UACA: variants seen among roughly 807,000 people sequenced by gnomAD.
UACA encodes the protein nuclear membrane binding protein.
A neutral mutation model predicts 160.5 loss-of-function variants in UACA; 112 were observed. The ratio of observed to expected loss-of-function variants is 0.70; its 90% CI spans 0.60 to 0.82. The LOEUF is 0.82. Ranked by LOEUF, UACA falls within the 40% of genes least tolerant of loss-of-function variation. UACA has a pLI of 0.00. For missense variants in UACA, 1,574 were observed against 1,614.6 expected, an observed-to-expected ratio of 0.97 and a Z score of 0.43; for synonymous variants, 557 against 568.4, an observed-to-expected ratio of 0.98 and a Z score of 0.29.
chr15:70,688,446 C>A (rs140698639), intron 5 of UACA, among the ~76,000 whole-genome samples: 86 of 152,170 alleles, frequency 5.7e-4, no homozygotes, highest in African/African-American at 2.0e-3. Flanking sequence ...AGTTGACATA[C>A]ATTATAAGCA....
intron 1 of UACA, chr15:70,758,749 C>T (rs566056503): frequency 1.3e-5 from 2 of 152,266 alleles, no homozygotes; most frequent in African/African-American, 2.4e-5. Flanking sequence ...TAGCAAGATG[C>T]TTTAAAACAT....
chr15:70,764,991 A>C (rs904566720), upstream of UACA, among the ~76,000 whole-genome samples: 2 of 152,242 alleles, frequency 1.3e-5, no homozygotes, highest in African/African-American at 2.4e-5. Flanking sequence ...AGCCATCATC[A>C]ATAAGTCTTA....
At chr15:70,762,926 G>C (rs1239326930) in intron 1 of UACA, among the ~76,000 whole-genome samples, 1 of 152,196 alleles carries the variant, frequency 6.6e-6, no homozygotes, top group South Asian at 2.1e-4. Flanking sequence ...CCGGGGACTG[G>C]GGAGCCAACA....
At chr15:70,739,782 G>A (rs1044148286) in intron 1 of UACA, among the ~76,000 whole-genome samples, 9 of 152,172 alleles carry the variant, frequency 5.9e-5, no homozygotes, top group African/African-American at 1.2e-4. Flanking sequence ...GATATGTGGT[G>A]TATATATAAG....
At chr15:70,699,724 AG>A in intron 1 of UACA, 64 bp from the exon 2 acceptor site, 1 of 1,563,878 alleles carries the variant, frequency 6.4e-7, no homozygotes. Context: ...TTCTAAAGAA[AG>A]AAAAAAGAGA....
At chr15:70,689,041 G>T (rs1897831693) in intron 5 of UACA, among the ~76,000 whole-genome samples, 1 of 152,122 alleles carries the variant, frequency 6.6e-6, no homozygotes, top group South Asian at 2.1e-4. Flanking sequence ...CCTATCAGTA[G>T]AATATGAATG....
intron 7 of UACA, among the ~76,000 whole-genome samples, chr15:70,685,862 C>T (rs1897695114): frequency 6.6e-6 from 1 of 152,026 alleles, no homozygotes. Context: ...GCAACCTCCG[C>T]CTCCTGGGTT....
chr15:70,657,132 G>A lies in UACA; in HGVS notation c.4180-5C>T, dbSNP rs377060952. ...AACATCTTCATCCATGTGACCCTTC[G>A]GAGAAAGAAGAAAGAGGAGCATTAT... On this transcript the variant is annotated splice_region_variant and splice_polypyrimidine_tract_variant and intron_variant, in intron 18 of 18. Coordinates refer to ENST00000322954, the MANE Select transcript of UACA (RefSeq NM_018003.4). The A allele has an allele frequency of 9.9e-6, 16 of 1,612,672 alleles. No individual in the cohort carries two copies. The highest frequency in any genetic ancestry group is 8.3e-5 in the Admixed American group (5 of 59,986).
chr15:70,667,293 G>T lies in UACA; in HGVS notation c.3391C>A (p.Leu1131Ile). ...TGCATACTCTTCAGTTCTTCCTTTA[G>T]ATTTTCAATTGTGCCATTAAGAGAT... ...KKSLNGTIEN[L>I]KEELKSMQRC... Residue 1131 changes from leucine (L) to isoleucine (I), a missense_variant, in exon 16 of 19, where the codon CTA becomes ATA. Leu to Ile is a conservative substitution (Grantham distance 5, BLOSUM62 2). Coordinates refer to ENST00000322954, the MANE Select transcript of UACA (RefSeq NM_018003.4). 16 of 1,611,558 alleles carry T rather than the reference G, an allele frequency of 9.9e-6. No individual in the cohort carries two copies. The highest frequency in any genetic ancestry group is 1.4e-5 in the Non-Finnish European group (16 of 1,179,474).
chr15:70,687,953 T>A, intron 5 of UACA, 133 bp from the exon 6 acceptor site: 1 of 776,850 alleles, frequency 1.3e-6, no homozygotes, highest in Non-Finnish European at 2.1e-6. Context: ...ACTCTTAGTT[T>A]AGCATTATAA....
At chr15:70,677,815 C>T (rs1897343328) in intron 11 of UACA, among the ~76,000 whole-genome samples, 1 of 152,088 alleles carries the variant, frequency 6.6e-6, no homozygotes, top group South Asian at 2.1e-4. Flanking sequence ...CTCTTACTTC[C>T]TTCAAAATTC....
chr15:70,704,974 C>A (rs1898482136), intron 1 of UACA, among the ~76,000 whole-genome samples: 1 of 152,096 alleles, frequency 6.6e-6, no homozygotes. Flanking sequence ...GGATTGGTTA[C>A]AGGATGGCGT....
Position 70,695,054 on chromosome 15 carries a change from A to G in UACA, c.264T>C (p.Leu88=). The change falls in exon 3 of 19, where the codon CTT becomes CTC. Residue 88 remains leucine, a synonymous_variant. Coordinates refer to ENST00000322954, the MANE Select transcript of UACA (RefSeq NM_018003.4). ...KGNLECLNAI[L]IHGVDITTSD... ...TGGTTGTAATATCAACTCCATGTAT[A>G]AGGATGGCATTCAAACACTCAAGAT... The G allele has an allele frequency of 1.2e-6, 2 of 1,611,052 alleles. No individual in the cohort carries two copies. Among genetic ancestry groups the G allele is most frequent in the Non-Finnish European group, 1.7e-6 (2 of 1,178,338 alleles).
intron 5 of UACA, among the ~76,000 whole-genome samples, chr15:70,689,950 T>C (rs1186607013): frequency 6.6e-6 from 1 of 152,158 alleles, no homozygotes; most frequent in Non-Finnish European, 1.5e-5. Context: ...AAGAAATTAT[T>C]ATGTGCCAGG....
At chr15:70,697,762 T>C (rs1396274402) in intron 2 of UACA, among the ~76,000 whole-genome samples, 1 of 152,200 alleles carries the variant, frequency 6.6e-6, no homozygotes, top group Non-Finnish European at 1.5e-5. Flanking sequence ...GAAAGAATTC[T>C]ACTCTTGGCC....
At chr15:70,664,214 A>G (rs1896823188) in intron 17 of UACA, among the ~76,000 whole-genome samples, 2 of 152,174 alleles carry the variant, frequency 1.3e-5, no homozygotes, top group South Asian at 4.1e-4. Flanking sequence ...ATGCCTCTTT[A>G]TTCACAAAGA....
chr15:70,684,657 G>C (rs1897644262), intron 7 of UACA, among the ~76,000 whole-genome samples: 1 of 151,688 alleles, frequency 6.6e-6, no homozygotes, highest in African/African-American at 2.4e-5. Context: ...TATCAGTAAG[G>C]AATGTTTTGC....
At chr15:70,716,776 G>A (rs1455665817) in intron 1 of UACA, among the ~76,000 whole-genome samples, 1 of 152,120 alleles carries the variant, frequency 6.6e-6, no homozygotes, top group East Asian at 1.9e-4. Flanking sequence ...CTTTCCCAAA[G>A]ATATGCAAGT....
intron 1 of UACA, among the ~76,000 whole-genome samples, chr15:70,761,550 C>A (rs1206622265): frequency 2.0e-5 from 3 of 152,132 alleles, no homozygotes; most frequent in African/African-American, 4.8e-5. Context: ...TGGTTTTATT[C>A]ATCACTACAG....
Sources: gnomAD v4.1 joint callset for allele counts (sites outside exome capture counted in the v4.1 genomes callset) on GRCh38, gnomAD v4.1.1 for gene constraint, MANE v1.5 for transcripts, NCBI Gene and HGNC (gene_info 2026-07-23, HGNC 2026-07-21) for gene names.